Variants in CSMD1 observed in about 807,000 individuals in gnomAD.
CSMD1 encodes CUB and sushi domain-containing protein 1.
Under a neutral mutation model 417.5 loss-of-function variants are expected in CSMD1, and 213 were observed. The observed-to-expected ratio is 0.51, with a 90% CI of 0.46 to 0.57. The LOEUF (loss-of-function observed/expected upper bound fraction) is 0.57, where lower values mean the gene tolerates loss of function less well. CSMD1 is among the 20% of genes least tolerant of loss of function. The pLI, the probability that CSMD1 is intolerant of heterozygous loss-of-function variation, is 0.00. For missense variants in CSMD1, 6,923 were observed against 4,529.7 expected (o/e 1.53, Z -15.17); for synonymous variants, 2,862 against 1,736.8 (o/e 1.65, Z -16.11).
At chr8:3,387,335 G>C (rs560599862) in intron 18 of CSMD1, among the ~76,000 whole-genome samples, 159 bp downstream of exon 18, 2 of 152,156 alleles carry the variant, frequency 1.3e-5, no homozygotes, top group Non-Finnish European at 2.9e-5. Context: ...AACTTCAAAT[G>C]ATCGGGAATG....
chr8:3,741,752 G>C (rs879737334), intron 6 of CSMD1, among the ~76,000 whole-genome samples: 1 of 152,222 alleles, frequency 6.6e-6, no homozygotes, highest in East Asian at 1.9e-4. Flanking sequence ...ATACCCAGTG[G>C]TGGTTGAATT....
intron 2 of CSMD1, among the ~76,000 whole-genome samples, chr8:4,538,727 T>C (rs1247409897): frequency 1.3e-5 from 2 of 152,328 alleles, no homozygotes; most frequent in Admixed American, 6.5e-5. Flanking sequence ...TCCTAGCAAG[T>C]AAACCTCCAA....
At chr8:4,267,662 T>C (rs996913462) in intron 3 of CSMD1, among the ~76,000 whole-genome samples, 1 of 152,056 alleles carries the variant, frequency 6.6e-6, no homozygotes, top group Non-Finnish European at 1.5e-5. Flanking sequence ...TACTTCGTGT[T>C]TAGGCTTTGG....
At chr8:3,697,165 C>T (rs146870481) in intron 7 of CSMD1, among the ~76,000 whole-genome samples, 2 of 152,102 alleles carry the variant, frequency 1.3e-5, no homozygotes, top group Non-Finnish European at 2.9e-5. Context: ...GTTTTTGAAA[C>T]TTTTCATTCA....
chr8:4,815,176 G>T (rs1038006832), intron 1 of CSMD1, among the ~76,000 whole-genome samples: 7 of 152,038 alleles, frequency 4.6e-5, no homozygotes, highest in African/African-American at 1.2e-4. Flanking sequence ...AATGTCTCCA[G>T]ATCAATAGAT....
At chr8:3,529,353 A>C (rs985289899) in intron 10 of CSMD1, among the ~76,000 whole-genome samples, 1 of 152,214 alleles carries the variant, frequency 6.6e-6, no homozygotes, top group Non-Finnish European at 1.5e-5. Flanking sequence ...GTACTAAATC[A>C]ATTCAAGAAA....
chr8:4,390,945 A>T (rs1396391287), intron 3 of CSMD1, among the ~76,000 whole-genome samples: 2 of 152,180 alleles, frequency 1.3e-5, no homozygotes, highest in African/African-American at 4.8e-5. Context: ...GCTAATCCAA[A>T]GACACACAAA....
chr8:2,940,045 T>C (rs1420200352), intron 69 of CSMD1, among the ~76,000 whole-genome samples: 2 of 152,164 alleles, frequency 1.3e-5, no homozygotes, highest in African/African-American at 2.4e-5. Flanking sequence ...ACTCCCAACA[T>C]GCAAGCAACA....
chr8:3,634,754 G>C (rs529611574), intron 7 of CSMD1, among the ~76,000 whole-genome samples: 10 of 151,970 alleles, frequency 6.6e-5, no homozygotes, highest in Non-Finnish European at 1.3e-4. Flanking sequence ...AAGGCACACA[G>C]TTTGATTGCT....
chr8:3,103,848 A>G (rs111873764), intron 46 of CSMD1, among the ~76,000 whole-genome samples: 1,923 of 151,954 alleles, frequency 0.013, 36 homozygotes, highest in African/African-American at 0.042. Flanking sequence ...GGTTCCAGTG[A>G]TTCTCCTGCC....
chr8:4,788,551 G>A, intron 1 of CSMD1: 8 of 1,383,790 alleles, frequency 5.8e-6, no homozygotes, highest in East Asian at 4.7e-5. Context: ...TTTCCTTGAA[G>A]CAGGCTGACA....
chr8:3,938,555 C>T (rs1305497783), intron 5 of CSMD1, among the ~76,000 whole-genome samples: 1 of 152,132 alleles, frequency 6.6e-6, no homozygotes, highest in Non-Finnish European at 1.5e-5. Context: ...AGGACCGATG[C>T]TACCAATGCA....
chr8:4,666,818 C>A (rs971005601), intron 1 of CSMD1, among the ~76,000 whole-genome samples: 3 of 151,922 alleles, frequency 2.0e-5, no homozygotes. Context: ...ATTTTCTTAA[C>A]GGTGTGTTTT....
At chr8:3,226,595 A>C (rs910678053) in intron 27 of CSMD1, among the ~76,000 whole-genome samples, 2 of 151,824 alleles carry the variant, frequency 1.3e-5, no homozygotes, top group Non-Finnish European at 2.9e-5. Context: ...AAAAAAAAAA[A>C]AAAAAAGTCG....
rs111420321 is a variant in CSMD1, at chr8:3,527,811, A to T, written c.1345-34085T>A. 2.4e-3 allele frequency among the ~76,000 whole-genome samples: 360 copies of T among 152,320 alleles called. 2 individuals carry two copies. The highest frequency in any genetic ancestry group is 8.3e-3 in the African/African-American group (343 of 41,574). On this transcript the variant is annotated intron_variant, in intron 10 of 69. Coordinates refer to ENST00000635120, the MANE Select transcript of CSMD1 (RefSeq NM_033225.6). ...GTATTTCAAAATAAAGTTACAAAAC[A>T]TCCTGTTTAATAACAGTAGATGTGC... is the stretch of plus-strand genomic sequence containing the variant.
rs1799080156 is a variant in CSMD1 at position 4,575,168 on chromosome 8, AG to A, written c.302+62173del. On this transcript the variant is annotated intron_variant, in intron 2 of 69. Transcript: ENST00000635120. ...TGCAGTCTCTATAGCACTGTGGCCA[AG>A]AACTGTATCTTATCACTTGACCTCT... is the stretch of plus-strand genomic sequence containing the variant. Among the ~76,000 whole-genome samples, 4 of 152,230 alleles carry A rather than the reference AG, an allele frequency of 2.6e-5. No individual in the cohort carries two copies. In the South Asian group the frequency reaches 8.3e-4, roughly 32 times the overall value.
At chr8:4,710,020 G>C (rs1245999139) in intron 1 of CSMD1, among the ~76,000 whole-genome samples, 1 of 152,166 alleles carries the variant, frequency 6.6e-6, no homozygotes, top group Non-Finnish European at 1.5e-5. Flanking sequence ...TCACTTGATA[G>C]TTCAAATAGG....
At chr8:4,464,784 G>T (rs1043051458) in intron 2 of CSMD1, among the ~76,000 whole-genome samples, 4 of 152,152 alleles carry the variant, frequency 2.6e-5, no homozygotes, top group Non-Finnish European at 4.4e-5. Flanking sequence ...GTGGGGCTGG[G>T]CTGAGAGATC....
intron 7 of CSMD1, among the ~76,000 whole-genome samples, chr8:3,668,851 A>G (rs951253457): frequency 6.6e-6 from 1 of 152,182 alleles, no homozygotes; most frequent in Non-Finnish European, 1.5e-5. Context: ...CAATTATAGA[A>G]TTATATTGCT....
Sources: allele counts gnomAD v4.1 joint callset (sites outside exome capture counted in the v4.1 genomes callset), GRCh38; gene constraint gnomAD v4.1.1; transcripts MANE v1.5; gene names NCBI Gene and HGNC (gene_info 2026-07-23, HGNC 2026-07-21).